The following SEMA6D variants were observed in gnomAD, a reference collection of about 807,000 sequenced individuals.
SEMA6D encodes the protein semaphorin 6D.
Under a neutral mutation model 106.6 loss-of-function variants are expected in SEMA6D, and 35 were observed. The ratio of observed to expected loss-of-function variants is 0.33; its 90% CI spans 0.25 to 0.44. SEMA6D has a LOEUF of 0.44. Among genes scored for constraint, SEMA6D ranks in the 20% least tolerant of loss-of-function variants. The probability of loss-of-function intolerance (pLI) is 1.00; values close to 1 mark genes in which losing one functional copy is unlikely to be tolerated. For synonymous variants in SEMA6D, 499 were observed against 487.7 expected (o/e 1.02, Z -0.31); for missense variants, 1,185 against 1,345.9 (o/e 0.88, Z 1.87).
intron 1 of SEMA6D, among the ~76,000 whole-genome samples, chr15:47,225,618 C>T (rs1191822956): frequency 6.7e-6 from 1 of 149,928 alleles, no homozygotes; most frequent in Non-Finnish European, 1.5e-5. Context: ...ACTTCCACCT[C>T]CCAGGTTCAA....
At chr15:47,263,860 A>T (rs1177571607) in intron 1 of SEMA6D, among the ~76,000 whole-genome samples, 1 of 151,574 alleles carries the variant, frequency 6.6e-6, no homozygotes. Flanking sequence ...TACCCAAAGG[A>T]ATATAAATCA....
In SEMA6D at chr15:47,652,096, T is replaced by C. The variant is rs115201744; in HGVS notation, c.-55+51200T>C. 6.3e-3 allele frequency among the ~76,000 whole-genome samples: 954 copies of C among 152,356 alleles called. 11 individuals carry two copies. Among genetic ancestry groups the C allele is most frequent in the African/African-American group, 0.022 (900 of 41,580 alleles). Reference sequence around the variant, plus strand: ...CATACATAATATACTGTTCTACCTTTACTGGGAAATTATAACTCCTGGTGG... The same window carrying C: ...CATACATAATATACTGTTCTACCTTCACTGGGAAATTATAACTCCTGGTGG... On this transcript the variant is annotated intron_variant, in intron 4 of 19. Coordinates refer to the SEMA6D transcript ENST00000558014.
Position 47,764,372 on chromosome 15 carries a change from C to T in SEMA6D, c.1097+67C>T, listed in dbSNP as rs946504917. ...CTTCCGGTCATTGGAAGCATCCCTC[C>T]TCAGGGAGCAGCTTGGCCAACCTCC... On this transcript the variant is annotated intron_variant, in intron 11 of 18. Coordinates refer to ENST00000536845, the MANE Select transcript of SEMA6D (RefSeq NM_001358351.3). 3.9e-6 allele frequency: 6 copies of T among 1,552,502 alleles called. No individual in the cohort carries two copies. The African/African-American group carries it at 5.5e-5, about 14-fold the overall frequency.
chr15:47,754,779 G>C (rs1447592125), intron 1 of SEMA6D, among the ~76,000 whole-genome samples: 2 of 144,664 alleles, frequency 1.4e-5, no homozygotes, highest in Non-Finnish European at 1.6e-5. Context: ...ACAAAATTCT[G>C]TGTCTCTTAC....
At chr15:47,415,192 A>C (rs1316955448) in intron 2 of SEMA6D, among the ~76,000 whole-genome samples, 6 of 152,136 alleles carry the variant, frequency 3.9e-5, no homozygotes, top group African/African-American at 1.4e-4. Context: ...AATACACTTG[A>C]CTGCTCTTAT....
chr15:47,314,725 G>T (rs1023865792), intron 1 of SEMA6D, among the ~76,000 whole-genome samples: 10 of 151,380 alleles, frequency 6.6e-5, no homozygotes, highest in South Asian at 2.1e-4. Context: ...CTCTGGACAT[G>T]GACTTTCATA....
intron 3 of SEMA6D, among the ~76,000 whole-genome samples, chr15:47,552,129 A>G (rs112012024): frequency 7.7e-4 from 118 of 152,278 alleles, no homozygotes; most frequent in African/African-American, 2.7e-3. Context: ...CAATAGTAGA[A>G]GAATAGTGCG....
intron 1 of SEMA6D, among the ~76,000 whole-genome samples, chr15:47,327,848 A>G (rs2037192437): frequency 6.6e-6 from 1 of 152,198 alleles, no homozygotes; most frequent in South Asian, 2.1e-4. Flanking sequence ...GGTGGTGGTC[A>G]GGGGAAGTAA....
intron 1 of SEMA6D, among the ~76,000 whole-genome samples, chr15:47,289,869 T>C (rs1485363998): frequency 1.3e-5 from 2 of 151,420 alleles, no homozygotes; most frequent in East Asian, 1.9e-4. Context: ...CCTGGGAGTG[T>C]TGCTGGCGGC....
At chr15:47,766,470 G>A in intron 15 of SEMA6D, 146 bp from the exon 16 acceptor site, 1 of 702,438 alleles carries the variant, frequency 1.4e-6, no homozygotes, top group Non-Finnish European at 2.4e-6. Context: ...AGTCATTTTA[G>A]CAAGTTATGT....
chr15:47,282,764 TGATGCC>T (rs1950026008), intron 1 of SEMA6D, among the ~76,000 whole-genome samples: 1 of 152,188 alleles, frequency 6.6e-6, no homozygotes, highest in African/African-American at 2.4e-5. Flanking sequence ...GATGATGCTA[TGATGCC>T]TTGTCTGTGT....
At chr15:47,767,219 C>T (rs1454294391) in intron 17 of SEMA6D, 126 bp downstream of exon 17, 2 of 593,068 alleles carry the variant, frequency 3.4e-6, no homozygotes, top group East Asian at 3.0e-5. Context: ...GACTCATATT[C>T]CCACTGATGG....
chr15:47,622,872 G>A (rs1297663584), intron 4 of SEMA6D, among the ~76,000 whole-genome samples: 3 of 152,188 alleles, frequency 2.0e-5, no homozygotes, highest in African/African-American at 7.2e-5. Context: ...TGCAAGAGCA[G>A]TTCCAGAAGT....
chr15:47,508,985 T>A (rs1482563333), intron 3 of SEMA6D, among the ~76,000 whole-genome samples: 2 of 151,918 alleles, frequency 1.3e-5, no homozygotes, highest in African/African-American at 4.8e-5. Context: ...AACTCAGTAT[T>A]TTTTTTTCAA....
At chr15:47,295,769 C>T (rs2035780091) in intron 1 of SEMA6D, among the ~76,000 whole-genome samples, 1 of 152,132 alleles carries the variant, frequency 6.6e-6, no homozygotes. Flanking sequence ...ATATAGTTGG[C>T]CCCACAGTTA....
intron 1 of SEMA6D, among the ~76,000 whole-genome samples, chr15:47,407,538 T>G (rs981020283): frequency 6.6e-6 from 1 of 152,168 alleles, no homozygotes; most frequent in African/African-American, 2.4e-5. Context: ...TTTGGAAATG[T>G]TGACTTGAAG....
intron 1 of SEMA6D, among the ~76,000 whole-genome samples, chr15:47,233,922 T>A (rs917566878): frequency 3.9e-5 from 6 of 152,038 alleles, no homozygotes; most frequent in Non-Finnish European, 2.9e-5. Context: ...TTTCTTGTCT[T>A]ATTGCATTAG....
intron 2 of SEMA6D, among the ~76,000 whole-genome samples, chr15:47,443,629 A>C (rs567335268): frequency 2.0e-5 from 3 of 152,228 alleles, no homozygotes; most frequent in Admixed American, 1.3e-4. Flanking sequence ...AGATAACAAA[A>C]TGATTATTGT....
At chr15:47,303,841 T>A (rs1423129772) in intron 1 of SEMA6D, among the ~76,000 whole-genome samples, 1 of 152,106 alleles carries the variant, frequency 6.6e-6, no homozygotes, top group African/African-American at 2.4e-5. Context: ...GAAGGCCAAA[T>A]AATGAGGCTC....
Sources: gnomAD v4.1 joint callset for allele counts (sites outside exome capture counted in the v4.1 genomes callset) on GRCh38, gnomAD v4.1.1 for gene constraint, MANE v1.5 for transcripts, NCBI Gene and HGNC (gene_info 2026-07-23, HGNC 2026-07-21) for gene names.